GTF2I: variants seen among roughly 807,000 people sequenced by gnomAD.
GTF2I encodes general transcription factor IIi.
In GTF2I, 12 loss-of-function variants were observed where a neutral mutation model predicts 67.6. The observed-to-expected ratio is 0.18, with a 90% CI of 0.11 to 0.29. The LOEUF (loss-of-function observed/expected upper bound fraction) is 0.29, where lower values mean the gene tolerates loss of function less well. Among genes scored for constraint, GTF2I ranks in the 10% least tolerant of loss-of-function variants. The pLI is 1.00. For missense variants in GTF2I, 271 were observed against 580.1 expected (o/e 0.47, Z 5.47); for synonymous variants, 149 against 197.0 (o/e 0.76, Z 2.04).
chr7:74,716,438 G>C (rs587666667), intron 10 of GTF2I, among the ~76,000 whole-genome samples: 6 of 152,238 alleles, frequency 3.9e-5, no homozygotes, highest in Admixed American at 1.3e-4. Flanking sequence ...TTTCACCATA[G>C]TGAAAATGGA....
intron 1 of GTF2I, among the ~76,000 whole-genome samples, chr7:74,675,343 G>C (rs753679345): frequency 6.6e-6 from 1 of 152,068 alleles, no homozygotes; most frequent in Non-Finnish European, 1.5e-5. Context: ...TTGTTGGGTG[G>C]GACGTGGTGT....
chr7:74,702,577 A>T (rs1789954592), intron 6 of GTF2I, among the ~76,000 whole-genome samples: 1 of 152,128 alleles, frequency 6.6e-6, no homozygotes, highest in African/African-American at 2.4e-5. Flanking sequence ...ATACCATGTT[A>T]TATTCTCACA....
intron 8 of GTF2I, among the ~76,000 whole-genome samples, chr7:74,710,567 C>T (rs1791414884): frequency 6.6e-6 from 1 of 152,010 alleles, no homozygotes; most frequent in South Asian, 2.1e-4. Flanking sequence ...TGCTTTGTAC[C>T]CTTACACAAA....
intron 11 of GTF2I, 164 bp downstream of exon 11, chr7:74,717,114 TA>T: frequency 7.7e-6 from 7 of 904,186 alleles, no homozygotes; most frequent in Non-Finnish European, 1.1e-5. Flanking sequence ...TTCTAAGATG[TA>T]ATATACTTCT....
At chr7:74,659,921 C>CAGGG (rs2131167507) in intron 1 of GTF2I, among the ~76,000 whole-genome samples, 1 of 152,274 alleles carries the variant, frequency 6.6e-6, no homozygotes, top group Admixed American at 6.5e-5. Flanking sequence ...TCCAGTCCTT[C>CAGGG]AGGGAACAAA....
intron 1 of GTF2I, among the ~76,000 whole-genome samples, chr7:74,660,329 T>TTA (rs1441663153): frequency 1.3e-5 from 2 of 151,104 alleles, no homozygotes; most frequent in African/African-American, 4.9e-5. Context: ...GTAGCTGGGA[T>TTA]TACAGGCGCC....
At chr7:74,723,128 T>TG (rs1793245049) in intron 12 of GTF2I, among the ~76,000 whole-genome samples, 1 of 148,644 alleles carries the variant, frequency 6.7e-6, no homozygotes, top group Admixed American at 6.7e-5. Context: ...TAAGAGTTTT[T>TG]TTTTTTTTTT....
intron 1 of GTF2I, among the ~76,000 whole-genome samples, chr7:74,668,366 G>C (rs1554389417): frequency 6.7e-6 from 1 of 150,230 alleles, no homozygotes; most frequent in Non-Finnish European, 1.5e-5. Flanking sequence ...TATGTAAGAA[G>C]TATATATAAT....
chr7:74,714,857 C>T lies in GTF2I; in HGVS notation c.764C>T (p.Ala255Val). Residue 255 changes from alanine to valine, a missense_variant and splice_region_variant, in exon 10 of 35, where the codon GCA (alanine) becomes GTA (valine). Physicochemically the swap from Ala to Val is moderately conservative, Grantham distance 64. This residue lies in a region of GTF2I where 124 missense variants were observed against 147.0 expected (regional missense o/e 0.84). Coordinates refer to ENST00000573035, the MANE Select transcript of GTF2I (RefSeq NM_032999.4). ...DPDYYQYNIQ[A>V]GPSETDDVDE... ...GAAGTATTATCTTTGTATCCCAAAGCAGGCCCTTCTGAAACTGATGATGTT... is the reference window on the plus strand; with the variant it reads ...GAAGTATTATCTTTGTATCCCAAAGTAGGCCCTTCTGAAACTGATGATGTT... The T allele has an allele frequency of 1.2e-6, 2 of 1,601,226 alleles. No homozygotes were observed. The highest frequency in any genetic ancestry group is 1.7e-6 in the Non-Finnish European group (2 of 1,171,880).
At chr7:74,711,967 T>C (rs1554402652) in intron 9 of GTF2I, among the ~76,000 whole-genome samples, 3 of 150,094 alleles carry the variant, frequency 2.0e-5, no homozygotes, top group African/African-American at 7.3e-5. Flanking sequence ...TTTTTTTTTT[T>C]GAGACAGAGT....
Position 74,688,650 on chromosome 7 carries a change from C to T in GTF2I, c.-5-474C>T, listed in dbSNP as rs144757362. Among the ~76,000 whole-genome samples, 142 of 152,226 alleles carry T rather than the reference C, an allele frequency of 9.3e-4. 2 individuals carry two copies. The highest frequency in any genetic ancestry group is 3.3e-3 in the African/African-American group (136 of 41,544). Reference sequence around the variant, plus strand: ...ATATGCTGTATTATAAAGAATCTTACATGTTACTTGATGCCTGTGATCTAT... The same window carrying T: ...ATATGCTGTATTATAAAGAATCTTATATGTTACTTGATGCCTGTGATCTAT... On this transcript the variant is annotated intron_variant, in intron 1 of 34. Transcript: ENST00000573035.
rs1268964556 is a variant in GTF2I at position 74,738,965 on chromosome 7, C to T, written c.1678+862C>T. ...AGGGAAGATCTAAGAAGTCTCTGTT[C>T]AATGAATGATGTTATTTTCTTTATT... is the stretch of plus-strand genomic sequence containing the variant. On this transcript the variant is annotated intron_variant, in intron 19 of 34. Transcript: ENST00000573035. Among the ~76,000 whole-genome samples the T allele has an allele frequency of 9.8e-3, 127 of 13,012 alleles. 1 individual carries two copies. The highest frequency in any genetic ancestry group is 0.024 in the African/African-American group (123 of 5,220). The allele number at this position is 13,012 out of a possible 152,430, so 8.5% of individuals were successfully genotyped here. A position where few individuals can be genotyped will look rare whatever the true frequency, so the allele number is the denominator to read the frequency against.
chr7:74,675,997 AAGACTCC>A (rs1160357381), intron 1 of GTF2I, among the ~76,000 whole-genome samples: 1 of 151,982 alleles, frequency 6.6e-6, no homozygotes, highest in Non-Finnish European at 1.5e-5. Flanking sequence ...GTGACAGAGC[AAGACTCC>A]ATCTAAAACA....
chr7:74,691,105 A>C lies in GTF2I; in HGVS notation c.232A>C (p.Lys78Gln). 6.2e-7 allele frequency: 1 copy of C among 1,601,062 alleles called. No homozygotes were observed. Among genetic ancestry groups the C allele is most frequent in the Non-Finnish European group, 8.5e-7 (1 of 1,170,134 alleles). Residue 78 changes from lysine to glutamine, a missense_variant, in exon 3 of 35, where the codon AAA (lysine) becomes CAA (glutamine). This residue lies in a region of GTF2I where 72 missense variants were observed against 87.4 expected (regional missense o/e 0.82). Transcript: ENST00000573035. The stretch of plus-strand genomic sequence containing the variant: ...AAAGGATTTTCAAAAAGATTTTGTA[A>C]AATATTGTAAGCATTGTATTTTTAT... ...TRKDFQKDFV[K>Q]YCVEEEEKAA... is the part of the protein sequence containing the mutation.
At chr7:74,698,182 C>T (rs1420845663) in intron 3 of GTF2I, among the ~76,000 whole-genome samples, 1 of 152,060 alleles carries the variant, frequency 6.6e-6, no homozygotes, top group Admixed American at 6.6e-5. Flanking sequence ...GTCTCGATCT[C>T]CTGACCTCGT....
intron 1 of GTF2I, among the ~76,000 whole-genome samples, chr7:74,680,099 A>AAAAAAAAAAATATATATATATAT: frequency 2.1e-5 from 2 of 94,984 alleles, no homozygotes; most frequent in African/African-American, 8.0e-5. Flanking sequence ...AAAAAAAAAA[A>AAAAAAAAAAATATATATATATAT]ATATATATAT....
intron 3 of GTF2I, among the ~76,000 whole-genome samples, chr7:74,698,476 GC>G (rs1425875127): frequency 1.4e-5 from 2 of 141,234 alleles, no homozygotes; most frequent in Non-Finnish European, 3.0e-5. Flanking sequence ...TATGTTCTCG[GC>G]CCCATCATAG....
intron 1 of GTF2I, among the ~76,000 whole-genome samples, chr7:74,662,947 C>T (rs117518423): frequency 1.6e-3 from 246 of 152,264 alleles, no homozygotes; most frequent in Non-Finnish European, 2.8e-3. Flanking sequence ...TGTACACACT[C>T]CTCAGGGGAT....
At chr7:74,694,852 G>A (rs587647265) in intron 3 of GTF2I, among the ~76,000 whole-genome samples, 66 of 152,266 alleles carry the variant, frequency 4.3e-4, no homozygotes, top group African/African-American at 1.5e-3. Context: ...AGGGGTTAAC[G>A]CCGCTGGTTA....
Sources: allele counts gnomAD v4.1 joint callset (sites outside exome capture counted in the v4.1 genomes callset), GRCh38; gene constraint gnomAD v4.1.1; regional missense constraint gnomAD v4.1.1; transcripts MANE v1.5; gene names NCBI Gene and HGNC (gene_info 2026-07-23, HGNC 2026-07-21).